The following TBXAS1 variants were observed in gnomAD, a reference collection of about 807,000 sequenced individuals.
TBXAS1 encodes thromboxane-A synthase.
TBXAS1 carries 48 observed loss-of-function variants against 60.7 expected under a neutral mutation model. The observed-to-expected ratio is 0.79, with a 90% CI of 0.63 to 1.01. The LOEUF (loss-of-function observed/expected upper bound fraction) is 1.01. TBXAS1 is among the 50% of genes least tolerant of loss of function. TBXAS1 has a pLI of 0.00. For missense variants in TBXAS1, 685 were observed against 686.3 expected (o/e 1.00, Z 0.02); for synonymous variants, 287 against 269.7 (o/e 1.06, Z -0.63).
rs116429097 is a variant in TBXAS1 at position 140,019,266 on chromosome 7, C to T, written c.1528-759C>T. Among the ~76,000 whole-genome samples, 1,088 of 152,248 alleles carry T rather than the reference C, an allele frequency of 7.1e-3. 13 individuals carry two copies. The highest frequency in any genetic ancestry group is 0.025 in the African/African-American group (1,043 of 41,536). On this transcript the variant is annotated intron_variant, in intron 12 of 12. Coordinates refer to ENST00000448866, the MANE Select transcript of TBXAS1 (RefSeq NM_001061.7). ...GGGCTGGAGACAGGGAGGGGCAGAT[C>T]GGCAGAGCAGAGCCAAACCAAGTGA...
chr7:140,009,132 C>T (rs1585049710), intron 10 of TBXAS1, among the ~76,000 whole-genome samples: 2 of 152,200 alleles, frequency 1.3e-5, no homozygotes, highest in Admixed American at 1.3e-4. Context: ...ATGCGGTGGC[C>T]GATTCTCCAC....
intron 9 of TBXAS1, among the ~76,000 whole-genome samples, chr7:139,992,647 C>T (rs1408821678): frequency 6.6e-6 from 1 of 152,242 alleles, no homozygotes; most frequent in African/African-American, 2.4e-5. Flanking sequence ...CACCATCTGC[C>T]TGTGGCCTCT....
At chr7:139,801,595 A>G (rs989193395) in intron 4 of TBXAS1, among the ~76,000 whole-genome samples, 1 of 151,936 alleles carries the variant, frequency 6.6e-6, no homozygotes, top group Non-Finnish European at 1.5e-5. Context: ...TCAGCCTCCC[A>G]AGTAGCTGGG....
At chr7:139,970,801 T>C (rs1811141461) in intron 9 of TBXAS1, among the ~76,000 whole-genome samples, 1 of 152,160 alleles carries the variant, frequency 6.6e-6, no homozygotes, top group Admixed American at 6.5e-5. Context: ...TTTAAAGTCA[T>C]TTTCAAAGCA....
chr7:139,861,885 G>A (rs899428226), intron 1 of TBXAS1, among the ~76,000 whole-genome samples: 7 of 152,124 alleles, frequency 4.6e-5, no homozygotes, highest in East Asian at 1.9e-4. Flanking sequence ...CTTGGTTCAC[G>A]GTTGCTTTAC....
Position 139,999,598 on chromosome 7 carries a change from T to C in TBXAS1, c.1135-7493T>C, listed in dbSNP as rs1349614512. On this transcript the variant is annotated intron_variant, in intron 9 of 12. Transcript: ENST00000448866. This position sits in a 1 kb window ranked among gnomAD's most constrained non-coding sequence, Gnocchi z 4.3. ...GAAGGGCAAAGCGAAGGTCACCCCATTTTCCACGGCTTGGTTTCATATTAT... is the reference window on the plus strand; with the variant it reads ...GAAGGGCAAAGCGAAGGTCACCCCACTTTCCACGGCTTGGTTTCATATTAT... Among the ~76,000 whole-genome samples the C allele has an allele frequency of 6.6e-6, 1 of 152,218 alleles. No homozygotes were observed. Among genetic ancestry groups the C allele is most frequent in the Non-Finnish European group, 1.5e-5 (1 of 68,034 alleles).
At chr7:139,793,870 T>A (rs1797467972) in intron 4 of TBXAS1, among the ~76,000 whole-genome samples, 1 of 152,216 alleles carries the variant, frequency 6.6e-6, no homozygotes, top group Non-Finnish European at 1.5e-5. Context: ...AATCATTCCT[T>A]CTTACCTCTC....
At chr7:139,858,000 C>G (rs750521584) in intron 1 of TBXAS1, among the ~76,000 whole-genome samples, 12 of 152,118 alleles carry the variant, frequency 7.9e-5, no homozygotes, top group Middle Eastern at 3.2e-3. Flanking sequence ...CCCCAAAACA[C>G]TGGGATTATG....
chr7:139,996,363 C>T (rs1444722954), intron 9 of TBXAS1, among the ~76,000 whole-genome samples: 1 of 152,092 alleles, frequency 6.6e-6, no homozygotes, highest in African/African-American at 2.4e-5. Context: ...CTGCCACCTT[C>T]CCCTGGGAAG....
rs575630937 is a variant in TBXAS1, at chr7:139,841,373, G to T, written c.89+11894G>T. 9.2e-5 allele frequency among the ~76,000 whole-genome samples: 14 copies of T among 152,246 alleles called. No homozygotes were observed. The South Asian group carries it at 2.9e-3, about 32-fold the overall frequency. On this transcript the variant is annotated intron_variant, in intron 1 of 12. Coordinates refer to ENST00000448866, the MANE Select transcript of TBXAS1 (RefSeq NM_001061.7). ...ACATTAGTGTTTGTAACATTTGCTG[G>T]AACAAAACATTAGGAGTGTGAATAA... is the stretch of plus-strand genomic sequence containing the variant.
intron 4 of TBXAS1, among the ~76,000 whole-genome samples, chr7:139,810,325 T>C (rs898889821): frequency 3.3e-5 from 5 of 152,174 alleles, no homozygotes; most frequent in African/African-American, 1.2e-4. Context: ...TGAGCCACTG[T>C]GCCCGGCCTG....
chr7:139,883,803 A>G (rs571672433), intron 3 of TBXAS1, among the ~76,000 whole-genome samples: 2 of 152,350 alleles, frequency 1.3e-5, no homozygotes, highest in African/African-American at 2.4e-5. Context: ...ACACACATAC[A>G]TTTGAAATAA....
intron 4 of TBXAS1, among the ~76,000 whole-genome samples, chr7:139,819,162 C>T (rs1798228936): frequency 6.6e-6 from 1 of 152,216 alleles, no homozygotes; most frequent in African/African-American, 2.4e-5. Context: ...TTCTCAGCCT[C>T]CTTTGCAATT....
intron 9 of TBXAS1, among the ~76,000 whole-genome samples, chr7:139,979,681 A>G (rs1811820914): frequency 1.3e-5 from 2 of 151,334 alleles, no homozygotes; most frequent in Non-Finnish European, 2.9e-5. Flanking sequence ...AGCCAAGATT[A>G]TGCCACTGCA....
Position 140,001,454 on chromosome 7 carries a change from C to G in TBXAS1, c.1135-5637C>G, listed in dbSNP as rs1569524142. ...TCACCCAGGCTGTAGTGCAGTGGCA[C>G]TATCTCGGCTCACCGCAACCTCTAC... is the stretch of plus-strand genomic sequence containing the variant. On this transcript the variant is annotated intron_variant, in intron 9 of 12. Transcript: ENST00000448866. 3.9e-5 allele frequency among the ~76,000 whole-genome samples: 6 copies of G among 152,166 alleles called. No individual in the cohort carries two copies. In the South Asian group the frequency reaches 1.2e-3, roughly 31 times the overall value.
rs1806000156 is a variant in TBXAS1, at chr7:139,916,633, AACC to A, written c.333+5315_333+5317del. The stretch of plus-strand genomic sequence containing the variant: ...AACATTGCAGGATGAGTCACTGTGA[AACC>A]ACAAACTCCTTGGCATTGGTGAAGA... On this transcript the variant is annotated intron_variant, in intron 4 of 12. Coordinates refer to ENST00000448866, the MANE Select transcript of TBXAS1 (RefSeq NM_001061.7). This position sits in a 1 kb window ranked among gnomAD's most constrained non-coding sequence, Gnocchi z 4.2. 6.6e-6 allele frequency among the ~76,000 whole-genome samples: 1 copy of A among 152,216 alleles called. No homozygotes were observed. The highest frequency in any genetic ancestry group is 6.5e-5 in the Admixed American group (1 of 15,282).
At chr7:139,837,381 A>G (rs934823899) in intron 1 of TBXAS1, among the ~76,000 whole-genome samples, 3 of 152,362 alleles carry the variant, frequency 2.0e-5, no homozygotes, top group Middle Eastern at 3.4e-3. Context: ...TAGCAGCACA[A>G]TCCACAATTG....
At chr7:139,941,002 C>T (rs138509728) in intron 5 of TBXAS1, among the ~76,000 whole-genome samples, 3 of 152,232 alleles carry the variant, frequency 2.0e-5, no homozygotes, top group African/African-American at 4.8e-5. Context: ...TATACGTATA[C>T]ACATACAAAA....
At chr7:139,910,847 A>C (rs1017596918) in intron 3 of TBXAS1, among the ~76,000 whole-genome samples, 2 of 152,182 alleles carry the variant, frequency 1.3e-5, no homozygotes, top group African/African-American at 4.8e-5. Flanking sequence ...AATATGGATA[A>C]CACCGACCTC....
Sources: gnomAD v4.1 joint callset for allele counts (sites outside exome capture counted in the v4.1 genomes callset) on GRCh38, gnomAD v4.1.1 for gene constraint, Gnocchi (gnomAD v3.1) non-coding constraint, MANE v1.5 for transcripts, NCBI Gene and HGNC (gene_info 2026-07-23, HGNC 2026-07-21) for gene names.